The following DENND1B variants were observed in gnomAD, a reference collection of about 807,000 sequenced individuals.
DENND1B encodes DENN domain-containing protein 1B.
DENND1B carries 59 observed loss-of-function variants against 90.1 expected under a neutral mutation model. The ratio of observed to expected loss-of-function variants is 0.65; its 90% CI spans 0.53 to 0.81. DENND1B has a LOEUF of 0.81. Among genes scored for constraint, DENND1B ranks in the 40% least tolerant of loss-of-function variants. The probability of loss-of-function intolerance (pLI) is 0.00; values close to 1 mark genes in which losing one functional copy is unlikely to be tolerated. For synonymous variants in DENND1B, 337 were observed against 324.6 expected, an observed-to-expected ratio of 1.04 and a Z score of -0.41; for missense variants, 862 against 912.6, an observed-to-expected ratio of 0.94 and a Z score of 0.71.
chr1:197,545,802 A>G, intron 18 of DENND1B, 120 bp downstream of exon 18: 1 of 849,662 alleles, frequency 1.2e-6, no homozygotes, highest in Non-Finnish European at 1.8e-6. Flanking sequence ...TATTAATCCT[A>G]ATTTTTTTTT....
intron 20 of DENND1B, among the ~76,000 whole-genome samples, chr1:197,524,785 T>C (rs2125620941): frequency 6.6e-6 from 1 of 152,274 alleles, no homozygotes; most frequent in East Asian, 1.9e-4. Context: ...CATTATGGTA[T>C]GTCCATTATG....
chr1:197,551,722 G>A (rs1671257726), intron 16 of DENND1B, among the ~76,000 whole-genome samples: 1 of 152,112 alleles, frequency 6.6e-6, no homozygotes, highest in Non-Finnish European at 1.5e-5. Flanking sequence ...TAATGAGACA[G>A]CAGTTATGTA....
intron 2 of DENND1B, among the ~76,000 whole-genome samples, chr1:197,769,728 A>C (rs1010113479): frequency 1.3e-5 from 2 of 152,180 alleles, no homozygotes; most frequent in Non-Finnish European, 2.9e-5. Flanking sequence ...ACTATTTAAG[A>C]ATTTCACCCA....
At chr1:197,757,141 TA>T (rs1654415277) in intron 2 of DENND1B, among the ~76,000 whole-genome samples, 1 of 152,172 alleles carries the variant, frequency 6.6e-6, no homozygotes, top group South Asian at 2.1e-4. Flanking sequence ...CATATTCATA[TA>T]ATTTATTATC....
Position 197,641,469 on chromosome 1 carries a change from T to G in DENND1B, c.672+1242A>C, listed in dbSNP as rs182760325. On this transcript the variant is annotated intron_variant, in intron 10 of 22. Transcript: ENST00000620048. Reference sequence around the variant, plus strand: ...TCATTGACTAGCACTTATTCTCTGATATTACTGCATCATTTATCCACCCTT... The same window carrying G: ...TCATTGACTAGCACTTATTCTCTGAGATTACTGCATCATTTATCCACCCTT... 2.1e-3 allele frequency among the ~76,000 whole-genome samples: 318 copies of G among 152,322 alleles called. 1 individual carries two copies. Among genetic ancestry groups the G allele is most frequent in the African/African-American group, 7.5e-3 (311 of 41,594 alleles).
At chr1:197,707,191 T>C (rs1315079973) in intron 3 of DENND1B, among the ~76,000 whole-genome samples, 1 of 152,136 alleles carries the variant, frequency 6.6e-6, no homozygotes, top group Non-Finnish European at 1.5e-5. Context: ...TTCTCACTCA[T>C]ATTGGAAGCT....
rs376170929 is a variant in DENND1B, at chr1:197,563,671, AT to A, written c.1150-10560del. ...TCTGCAACCCATGGATCAAGGAGTAATTTTGACTTTCAAGTCTTATTATTTA... is the reference window on the plus strand; with the variant it reads ...TCTGCAACCCATGGATCAAGGAGTAATTTGACTTTCAAGTCTTATTATTTA... On this transcript the variant is annotated intron_variant, in intron 15 of 22. Transcript: ENST00000620048. Among the ~76,000 whole-genome samples, 899 of 152,110 alleles carry A rather than the reference AT, an allele frequency of 5.9e-3. 13 individuals carry two copies. Among genetic ancestry groups the A allele is most frequent in the African/African-American group, 0.02 (841 of 41,524 alleles).
At chr1:197,572,603 G>A (rs921092925) in intron 15 of DENND1B, among the ~76,000 whole-genome samples, 1 of 152,202 alleles carries the variant, frequency 6.6e-6, no homozygotes, top group African/African-American at 2.4e-5. Context: ...TGGACAGACT[G>A]CCTCCTCAAG....
At chr1:197,591,719 AG>A (rs1273146434) in intron 14 of DENND1B, among the ~76,000 whole-genome samples, 1 of 152,180 alleles carries the variant, frequency 6.6e-6, no homozygotes, top group Non-Finnish European at 1.5e-5. Context: ...AAAATTCCTA[AG>A]ATTTTGTATT....
At chr1:197,622,035 T>C (rs537543724) in intron 10 of DENND1B, among the ~76,000 whole-genome samples, 18 of 151,364 alleles carry the variant, frequency 1.2e-4, no homozygotes, top group East Asian at 9.8e-4. Context: ...ATGGGAATCA[T>C]GAGAAGGGAC....
chr1:197,575,784 G>T (rs935801698), intron 15 of DENND1B, among the ~76,000 whole-genome samples: 7 of 152,174 alleles, frequency 4.6e-5, no homozygotes, highest in African/African-American at 1.7e-4. Flanking sequence ...CCTTTGCAGG[G>T]ACATGGATGA....
chr1:197,518,510 G>A (rs1249361816), intron 20 of DENND1B, among the ~76,000 whole-genome samples: 2 of 151,896 alleles, frequency 1.3e-5, no homozygotes, highest in Non-Finnish European at 2.9e-5. Flanking sequence ...AGAATCTCAA[G>A]AGGAACTCAC....
At chr1:197,567,704 C>T (rs1042455634) in intron 15 of DENND1B, among the ~76,000 whole-genome samples, 2 of 152,016 alleles carry the variant, frequency 1.3e-5, no homozygotes, top group South Asian at 2.1e-4. Flanking sequence ...ACAGAATAAA[C>T]GGCAAAAACC....
intron 15 of DENND1B, among the ~76,000 whole-genome samples, chr1:197,570,097 G>C (rs1673020494): frequency 6.6e-6 from 1 of 151,250 alleles, no homozygotes; most frequent in Non-Finnish European, 1.5e-5. Flanking sequence ...ATTTTTATTT[G>C]TCAAAAAAAT....
At chr1:197,770,799 A>AAT (rs372269365) in intron 2 of DENND1B, among the ~76,000 whole-genome samples, 1 of 137,340 alleles carries the variant, frequency 7.3e-6, no homozygotes, top group African/African-American at 2.8e-5. Flanking sequence ...TATATCTATA[A>AAT]ATATATATAT....
chr1:197,582,055 T>C (rs555376151), intron 15 of DENND1B, among the ~76,000 whole-genome samples: 3 of 152,248 alleles, frequency 2.0e-5, no homozygotes, highest in South Asian at 2.1e-4. Flanking sequence ...GCCCACTCTA[T>C]TTTTTGGAAA....
chr1:197,621,190 G>T (rs1678126226), intron 10 of DENND1B, among the ~76,000 whole-genome samples: 1 of 151,294 alleles, frequency 6.6e-6, no homozygotes, highest in African/African-American at 2.4e-5. Flanking sequence ...ACACGGCAAA[G>T]ACTCTAAATA....
At chr1:197,607,695 G>A (rs866034555) in intron 12 of DENND1B, among the ~76,000 whole-genome samples, 1 of 150,656 alleles carries the variant, frequency 6.6e-6, no homozygotes, top group Non-Finnish European at 1.5e-5. Context: ...TAAAAGGATA[G>A]CAATATGGAA....
At chr1:197,756,575 CAAAAAAAAAAAA>C (rs57605617) in intron 2 of DENND1B, among the ~76,000 whole-genome samples, 2 of 53,966 alleles carry the variant, frequency 3.7e-5, no homozygotes, top group Non-Finnish European at 6.4e-5. Context: ...GTCTCCATCT[CAAAAAAAAAAAA>C]AAAAAAAAAA....
Sources: gnomAD v4.1 joint callset for allele counts (sites outside exome capture counted in the v4.1 genomes callset) on GRCh38, gnomAD v4.1.1 for gene constraint, MANE v1.5 for transcripts, NCBI Gene and HGNC (gene_info 2026-07-23, HGNC 2026-07-21) for gene names.